Variants in ZNF385C observed in about 807,000 individuals in gnomAD.
ZNF385C encodes the protein zinc finger protein 385C, also known as CTD-2132N18.2.
A neutral mutation model predicts 35.4 loss-of-function variants in ZNF385C; 28 were observed. The ratio of observed to expected loss-of-function variants is 0.79; its 90% confidence interval spans 0.59 to 1.08. ZNF385C has a LOEUF of 1.08. ZNF385C is among the 50% of genes least tolerant of loss of function. The pLI is 0.00. For synonymous variants in ZNF385C, 248 were observed against 248.2 expected, an observed-to-expected ratio of 1.00 and a Z score of 0.01; for missense variants, 605 against 595.6, an observed-to-expected ratio of 1.02 and a Z score of -0.16.
intron 1 of ZNF385C, among the ~76,000 whole-genome samples, chr17:42,078,496 A>G (rs1435750154): frequency 2.6e-5 from 4 of 151,512 alleles, no homozygotes; most frequent in African/African-American, 9.7e-5. Context: ...ACCCAGTGCA[A>G]CCTCCCTGCT....
At chr17:42,081,482 G>A (rs2053748594) in intron 1 of ZNF385C, among the ~76,000 whole-genome samples, 1 of 152,260 alleles carries the variant, frequency 6.6e-6, no homozygotes, top group South Asian at 2.1e-4. Flanking sequence ...CACCTCCTGG[G>A]TTCAAGTCAT....
intron 1 of ZNF385C, among the ~76,000 whole-genome samples, chr17:42,097,082 G>C (rs782619848): frequency 1.4e-4 from 21 of 151,622 alleles, no homozygotes; most frequent in Non-Finnish European, 2.5e-4. Flanking sequence ...GGTACTTTCT[G>C]AGCCCTCGCC....
At chr17:42,045,961 G>A (rs1286764031) in intron 2 of ZNF385C, among the ~76,000 whole-genome samples, 1 of 152,158 alleles carries the variant, frequency 6.6e-6, no homozygotes, top group African/African-American at 2.4e-5. Context: ...ATTCCCAGTA[G>A]ACACCAAGCT....
At chr17:42,064,129 C>T (rs2053513904) in intron 1 of ZNF385C, among the ~76,000 whole-genome samples, 1 of 150,482 alleles carries the variant, frequency 6.6e-6, no homozygotes, top group Non-Finnish European at 1.5e-5. Context: ...CTTTCTGTCT[C>T]TTCGGGACCC....
At position 42,063,323 on chromosome 17, in the gene ZNF385C, G is replaced by C. The variant is rs1165686259; in HGVS notation, c.-2-265C>G. Among the ~76,000 whole-genome samples, 5 of 152,192 alleles carry C rather than the reference G, an allele frequency of 3.3e-5. No homozygotes were observed. The South Asian group carries it at 6.2e-4, about 19-fold the overall frequency. On this transcript the variant is annotated intron_variant, in intron 1 of 8. Transcript: ENST00000692273. ...GCGGGCAGGTCACCTGAGGTCAGGA[G>C]TTTGACACCAGCCTGACCAACATGG...
At chr17:42,031,216 G>A (rs2052721590) in intron 5 of ZNF385C, among the ~76,000 whole-genome samples, 1 of 152,028 alleles carries the variant, frequency 6.6e-6, no homozygotes, top group Non-Finnish European at 1.5e-5. Flanking sequence ...TAAATTTTTT[G>A]TAGAGACAGG....
intron 1 of ZNF385C, among the ~76,000 whole-genome samples, chr17:42,082,165 T>A (rs1458520302): frequency 2.6e-5 from 4 of 152,206 alleles, no homozygotes; most frequent in African/African-American, 7.2e-5. Context: ...TCCTGTTCCA[T>A]GGCGTGCTTC....
intron 1 of ZNF385C, among the ~76,000 whole-genome samples, chr17:42,067,711 C>T (rs1428711247): frequency 1.3e-5 from 2 of 152,152 alleles, no homozygotes; most frequent in Admixed American, 1.3e-4. Context: ...GAGGTCATCA[C>T]AGCGACTCTC....
Position 42,034,307 on chromosome 17 carries a change from C to T in ZNF385C, c.428G>A (p.Ser143Asn). The T allele has an allele frequency of 6.4e-7, 1 of 1,550,600 alleles. No homozygotes were observed. ...TMDPVQKAVI[S>N]HTFGVPSPLK... is the part of the protein sequence containing the mutation. ...AGGGGAGGGGACACCAAACGTGTGG[C>T]TGATGACAGCTTTCTGGACCGGGTC... Residue 143 changes from serine to asparagine, a missense_variant, in exon 4 of 9, where the codon AGC becomes AAC. By Grantham distance (46) the Ser-to-Asn change is conservative. Coordinates refer to ENST00000692273, the MANE Select transcript of ZNF385C (RefSeq NM_001392013.1).
chr17:42,067,081 A>G (rs1052299127), intron 1 of ZNF385C, among the ~76,000 whole-genome samples: 17 of 151,774 alleles, frequency 1.1e-4, no homozygotes, highest in South Asian at 4.2e-4. Flanking sequence ...AAAAAAAAAA[A>G]AGAGAGAGAG....
chr17:42,063,494 C>T (rs1236037820), intron 1 of ZNF385C, among the ~76,000 whole-genome samples: 1 of 152,188 alleles, frequency 6.6e-6, no homozygotes, highest in Non-Finnish European at 1.5e-5. Context: ...GGTGTCATTG[C>T]ACTCCAGCTT....
chr17:42,087,996 C>T (rs180927251), intron 1 of ZNF385C, among the ~76,000 whole-genome samples: 2 of 152,280 alleles, frequency 1.3e-5, no homozygotes, highest in African/African-American at 2.4e-5. Context: ...TATAGTCCTC[C>T]GTAAGACTTC....
chr17:42,062,827 C>T lies in ZNF385C; in HGVS notation c.230G>A (p.Gly77Glu), dbSNP rs946051066. Reference protein sequence around the residue: ...HQRRLRQLSLGKSPSGPAGPA... With the variant: ...HQRRLRQLSLEKSPSGPAGPA... ...CTGACCTGGCCCTGAGGGGCTCTTC[C>T]CCAAGCTGAGCTGCCGAAGCCGCCT... The change falls in exon 2 of 9, where the codon GGG (glycine) becomes GAG (glutamate). Residue 77 changes from glycine to glutamate, a missense_variant. Gly to Glu is a moderately conservative substitution (Grantham distance 98). Transcript: ENST00000692273. 1 of 612,424 alleles carries T rather than the reference C, an allele frequency of 1.6e-6. No individual in the cohort carries two copies. The highest frequency in any genetic ancestry group is 2.9e-6 in the Non-Finnish European group (1 of 343,172). 37.9% of individuals were successfully genotyped at this position (612,424 alleles called of 1,614,324 possible). A position where few individuals can be genotyped will look rare whatever the true frequency, so the allele number is the denominator to read the frequency against.
chr17:42,073,273 T>C (rs1192053844), intron 1 of ZNF385C, among the ~76,000 whole-genome samples: 4 of 151,802 alleles, frequency 2.6e-5, no homozygotes, highest in Non-Finnish European at 5.9e-5. Context: ...CCTGTCTCTA[T>C]AAAAGTACAA....
At chr17:42,097,369 C>T (rs56162439) in intron 1 of ZNF385C, among the ~76,000 whole-genome samples, 16,981 of 152,038 alleles carry the variant, frequency 0.11, 987 homozygotes, top group South Asian at 0.15. Context: ...GATATGAGAA[C>T]GAACTTCTGC....
At chr17:42,085,700 C>T (rs1298626838) in intron 1 of ZNF385C, among the ~76,000 whole-genome samples, 2 of 151,070 alleles carry the variant, frequency 1.3e-5, no homozygotes, top group South Asian at 2.1e-4. Context: ...TGAGTTCAAG[C>T]GATTCTCCCG....
intron 2 of ZNF385C, chr17:42,042,910 C>G (rs1555656279): frequency 2.4e-6 from 3 of 1,232,326 alleles, no homozygotes; most frequent in Non-Finnish European, 2.0e-6. Context: ...CAGGTTGAAC[C>G]TCTGCAGCTC....
chr17:42,083,376 T>C (rs1555659886), intron 1 of ZNF385C, among the ~76,000 whole-genome samples: 1 of 151,848 alleles, frequency 6.6e-6, no homozygotes, highest in African/African-American at 2.4e-5. Context: ...GCTAATTTTT[T>C]GTAGTTTTGG....
At chr17:42,086,482 A>G (rs1450995509) in intron 1 of ZNF385C, among the ~76,000 whole-genome samples, 3 of 152,138 alleles carry the variant, frequency 2.0e-5, no homozygotes, top group African/African-American at 7.2e-5. Context: ...CAGGCGGATC[A>G]CCTGAGGTCA....
Sources: gnomAD v4.1 joint callset for allele counts (sites outside exome capture counted in the v4.1 genomes callset) on GRCh38, gnomAD v4.1.1 for gene constraint, MANE v1.5 for transcripts, NCBI Gene and HGNC (gene_info 2026-07-23, HGNC 2026-07-21) for gene names.